Variants in WDR17 observed in about 807,000 individuals in gnomAD.
WDR17 encodes the protein WD repeat-containing protein 17.
A neutral mutation model predicts 161.7 loss-of-function variants in WDR17; 143 were observed. The observed-to-expected ratio is 0.88, with a 90% CI of 0.77 to 1.02. The LOEUF (loss-of-function observed/expected upper bound fraction) is 1.02. Among genes scored for constraint, WDR17 ranks in the 50% least tolerant of loss-of-function variants. The pLI is 0.00. For synonymous variants in WDR17, 517 were observed against 515.6 expected (o/e 1.00, Z -0.04); for missense variants, 1,469 against 1,520.9 (o/e 0.97, Z 0.57).
intron 1 of WDR17, among the ~76,000 whole-genome samples, chr4:176,066,930 A>G (rs1467713168): frequency 1.3e-5 from 2 of 152,160 alleles, no homozygotes; most frequent in Non-Finnish European, 2.9e-5. Context: ...CGTTCTTAGC[A>G]CTCTAATAAC....
At chr4:176,158,064 G>C (rs72706350) in intron 18 of WDR17, among the ~76,000 whole-genome samples, 3 of 152,190 alleles carry the variant, frequency 2.0e-5, no homozygotes, top group Non-Finnish European at 4.4e-5. Flanking sequence ...CCTTGTAAAC[G>C]TAGTAAGCTT....
chr4:176,177,199 G>T (rs1266491478), intron 27 of WDR17, 43 bp downstream of exon 27: 5 of 1,520,440 alleles, frequency 3.3e-6, no homozygotes, highest in East Asian at 4.5e-5. Context: ...GAAGGTATTT[G>T]ATGTTATAGA....
intron 1 of WDR17, among the ~76,000 whole-genome samples, chr4:176,103,272 CCTTGACACAGACAGCCCA>C (rs1373656929): frequency 6.6e-6 from 1 of 152,014 alleles, no homozygotes; most frequent in Non-Finnish European, 1.5e-5. Context: ...TGAGGATGAT[CCTTGACACAGACAGCCCA>C]CAACAATTGA....
chr4:176,105,197 T>C (rs1738513121), intron 1 of WDR17, among the ~76,000 whole-genome samples: 3 of 151,990 alleles, frequency 2.0e-5, no homozygotes, highest in Admixed American at 2.0e-4. Flanking sequence ...ATAACATTTA[T>C]ACACCTAAAA....
intron 18 of WDR17, 73 bp downstream of exon 18, chr4:176,156,216 G>T: frequency 7.1e-7 from 1 of 1,401,362 alleles, no homozygotes; most frequent in Non-Finnish European, 9.8e-7. Flanking sequence ...ATATAAATAT[G>T]GCAGTAGCTC....
rs368720177 is a variant in WDR17 at position 176,177,435 on chromosome 4, G to C, written c.3549-36G>C. The C allele has an allele frequency of 5.4e-6, 8 of 1,488,308 alleles. No individual in the cohort carries two copies. The East Asian group carries it at 1.6e-4, about 30-fold the overall frequency. The allele number at this position is 1,488,308 out of a possible 1,614,324, so 92.2% of individuals were successfully genotyped here. ...CTAAACATCAAAAATTCTGTGATTC[G>C]ACAAAATGAAATTTTGATATCTGTT... is the stretch of plus-strand genomic sequence containing the variant. On this transcript the variant is annotated intron_variant, in intron 27 of 28. Transcript: ENST00000508596.
chr4:176,071,020 TCAAAAACTCACATA>T (rs1733159605), intron 1 of WDR17, among the ~76,000 whole-genome samples: 1 of 151,986 alleles, frequency 6.6e-6, no homozygotes, highest in Admixed American at 6.6e-5. Flanking sequence ...TCATCCTGCT[TCAAAAACTCACATA>T]CAAAACCCAA....
At chr4:176,089,357 T>C (rs1480240196) in intron 1 of WDR17, among the ~76,000 whole-genome samples, 2 of 152,200 alleles carry the variant, frequency 1.3e-5, no homozygotes, top group Non-Finnish European at 2.9e-5. Context: ...TGTATCCTTT[T>C]ATGTTTGACT....
intron 1 of WDR17, among the ~76,000 whole-genome samples, chr4:176,087,767 A>C (rs184268820): frequency 1.3e-5 from 2 of 152,278 alleles, no homozygotes; most frequent in East Asian, 3.9e-4. Context: ...TCAACTAATA[A>C]ACTCATCCAT....
Position 176,172,475 on chromosome 4 carries a change from A to C in WDR17, c.3203A>C (p.Glu1068Ala). The C allele has an allele frequency of 6.2e-7, 1 of 1,608,668 alleles. No homozygotes were observed. Among genetic ancestry groups the C allele is most frequent in the Non-Finnish European group, 8.5e-7 (1 of 1,178,838 alleles). ...GTAAAATATTACTTGTTAAGTCAAG[A>C]ACCTGAAAAAGCCCTTCCTATTGGT... is the stretch of plus-strand genomic sequence containing the variant. ...ETVKYYLLSQ[E>A]PEKALPIGIS... is the part of the protein sequence containing the mutation. Residue 1068 changes from glutamate to alanine, a missense_variant, in exon 24 of 29, where the codon GAA (glutamate) becomes GCA (alanine). By Grantham distance (107) the Glu-to-Ala change is moderately radical. Coordinates refer to ENST00000508596, the MANE Select transcript of WDR17 (RefSeq NM_181265.4).
At chr4:176,105,324 ATAAG>A (rs1443831688) in intron 1 of WDR17, among the ~76,000 whole-genome samples, 1 of 152,066 alleles carries the variant, frequency 6.6e-6, no homozygotes, top group Admixed American at 6.6e-5. Context: ...CAGACAGAAA[ATAAG>A]TAAGGAAACT....
intron 5 of WDR17, among the ~76,000 whole-genome samples, chr4:176,128,483 G>A (rs1453977072): frequency 1.3e-5 from 2 of 152,076 alleles, no homozygotes; most frequent in African/African-American, 4.8e-5. Context: ...CTTTATTGGA[G>A]GAAGCTGCCA....
At chr4:176,172,960 G>A (rs1228210447) in intron 24 of WDR17, among the ~76,000 whole-genome samples, 1 of 152,118 alleles carries the variant, frequency 6.6e-6, no homozygotes, top group African/African-American at 2.4e-5. Context: ...TCCAACATTG[G>A]GGATTACATT....
intron 1 of WDR17, among the ~76,000 whole-genome samples, chr4:176,101,857 T>C (rs919883946): frequency 1.3e-5 from 2 of 152,150 alleles, no homozygotes; most frequent in African/African-American, 2.4e-5. Flanking sequence ...ACAGGCCTTA[T>C]ATATTTTACA....
At chr4:176,067,284 T>C (rs1319335237) in intron 1 of WDR17, among the ~76,000 whole-genome samples, 1 of 152,248 alleles carries the variant, frequency 6.6e-6, no homozygotes, top group Non-Finnish European at 1.5e-5. Context: ...TGAAAAGTTG[T>C]CAATTCGTTA....
chr4:176,179,307 A>T (rs915924025), intron 28 of WDR17, among the ~76,000 whole-genome samples, 153 bp from the exon 29 acceptor site: 9 of 152,304 alleles, frequency 5.9e-5, no homozygotes, highest in Non-Finnish European at 1.2e-4. Flanking sequence ...GGTCCAGCTC[A>T]AAAAAACTAA....
intron 1 of WDR17, among the ~76,000 whole-genome samples, chr4:176,110,698 A>G (rs1739565350): frequency 6.6e-6 from 1 of 152,208 alleles, no homozygotes; most frequent in Admixed American, 6.5e-5. Flanking sequence ...ATAGATTCAT[A>G]GCATTTTTTT....
chr4:176,170,563 C>T (rs944056161), intron 23 of WDR17, among the ~76,000 whole-genome samples: 9 of 152,160 alleles, frequency 5.9e-5, no homozygotes, highest in Non-Finnish European at 1.0e-4. Flanking sequence ...GATCCACCCG[C>T]CTCAGCCTCC....
intron 23 of WDR17, among the ~76,000 whole-genome samples, chr4:176,171,284 T>C (rs1189063266): frequency 6.6e-6 from 1 of 152,196 alleles, no homozygotes; most frequent in Non-Finnish European, 1.5e-5. Context: ...TTATAGTCTA[T>C]TTAAAAACGA....
Sources: allele counts gnomAD v4.1 joint callset (sites outside exome capture counted in the v4.1 genomes callset), GRCh38; gene constraint gnomAD v4.1.1; transcripts MANE v1.5; gene names NCBI Gene and HGNC (gene_info 2026-07-23, HGNC 2026-07-21).